The following DHRSX variants were observed in gnomAD, a reference collection of about 807,000 sequenced individuals.
The protein encoded by DHRSX is polyprenol dehydrogenase.
A neutral mutation model predicts 34.0 loss-of-function variants in DHRSX; 31 were observed. That is an observed-to-expected ratio of 0.91 (90% CI 0.69 to 1.23). The LOEUF (loss-of-function observed/expected upper bound fraction) is 1.23. Ranked by LOEUF, DHRSX falls within the 50% of genes most tolerant of loss-of-function variation. The pLI is 0.00. For missense variants in DHRSX, 414 were observed against 428.1 expected, an observed-to-expected ratio of 0.97 and a Z score of 0.29; for synonymous variants, 201 against 183.8, an observed-to-expected ratio of 1.09 and a Z score of -0.76.
intron 3 of DHRSX, among the ~76,000 whole-genome samples, chrX:2,404,033 G>A (rs1300477405): frequency 1.3e-5 from 2 of 152,126 alleles, no homozygotes; most frequent in Non-Finnish European, 2.9e-5. Flanking sequence ...AAGCCGTTCA[G>A]ATTAAAAGCA....
At chrX:2,242,018 A>C (rs2016152147) in intron 6 of DHRSX, among the ~76,000 whole-genome samples, 2 of 152,030 alleles carry the variant, frequency 1.3e-5, no homozygotes, top group Admixed American at 1.3e-4. Flanking sequence ...TACTATTTGG[A>C]ATCCTATATT....
At chrX:2,367,671 C>T (rs1348410802) in intron 3 of DHRSX, among the ~76,000 whole-genome samples, 1 of 151,960 alleles carries the variant, frequency 6.6e-6, no homozygotes, top group African/African-American at 2.4e-5. Flanking sequence ...GAGAGGCGTA[C>T]CCAAGAGCAC....
At chrX:2,318,264 G>A (rs2042264528) in intron 3 of DHRSX, among the ~76,000 whole-genome samples, 4 of 151,332 alleles carry the variant, frequency 2.6e-5, no homozygotes, top group Admixed American at 1.3e-4. Context: ...TACTTGGGAG[G>A]CTGAGGTGGG....
chrX:2,303,915 G>A (rs186585490), intron 3 of DHRSX, among the ~76,000 whole-genome samples: 69 of 132,630 alleles, frequency 5.2e-4, no homozygotes, highest in South Asian at 1.7e-3. Context: ...ATGGATGGAT[G>A]GATGGATGGA....
intron 3 of DHRSX, among the ~76,000 whole-genome samples, chrX:2,347,462 CACAGGTGGATCACCTGA>C (rs2042735021): frequency 6.6e-6 from 1 of 152,130 alleles, no homozygotes. Flanking sequence ...GGGAGGCCAA[CACAGGTGGATCACCTGA>C]GCTCAGGAGT....
At chrX:2,413,479 G>GA (rs747567635) in intron 2 of DHRSX, among the ~76,000 whole-genome samples, 590 of 152,198 alleles carry the variant, frequency 3.9e-3, no homozygotes, top group African/African-American at 0.014. Flanking sequence ...ATGGATATGT[G>GA]AATTAGCTTG....
chrX:2,333,986 C>T (rs1395782061), intron 3 of DHRSX, among the ~76,000 whole-genome samples: 4 of 152,132 alleles, frequency 2.6e-5, no homozygotes, highest in Admixed American at 2.0e-4. Flanking sequence ...ATTTTCTTTA[C>T]CCAGTCTACC....
intron 3 of DHRSX, among the ~76,000 whole-genome samples, chrX:2,382,635 A>C (rs868559122): frequency 8.3e-6 from 1 of 120,428 alleles, no homozygotes; most frequent in East Asian, 2.3e-4. Flanking sequence ...CATCACCATC[A>C]TCACCATCAC....
intron 2 of DHRSX, among the ~76,000 whole-genome samples, chrX:2,422,705 A>G (rs947222304): frequency 4.6e-5 from 7 of 152,150 alleles, no homozygotes; most frequent in African/African-American, 1.7e-4. Flanking sequence ...GCACTTTGGG[A>G]GGCCAAGGTG....
chrX:2,431,000 G>C (rs2043911898), intron 1 of DHRSX, among the ~76,000 whole-genome samples: 1 of 151,660 alleles, frequency 6.6e-6, no homozygotes, highest in Non-Finnish European at 1.5e-5. Context: ...ACTCCAGCCT[G>C]GGTGACAGAG....
At chrX:2,243,795 T>TTTTTG (rs1556430342) in intron 5 of DHRSX, among the ~76,000 whole-genome samples, 1 of 13,364 alleles carries the variant, frequency 7.5e-5, no homozygotes, top group African/African-American at 3.4e-4. Flanking sequence ...CCTGTTTTTT[T>TTTTTG]TTTTTTTTTT....
At chrX:2,452,239 A>C (rs1413206706) in intron 1 of DHRSX, among the ~76,000 whole-genome samples, 1 of 151,760 alleles carries the variant, frequency 6.6e-6, no homozygotes, top group African/African-American at 2.4e-5. Context: ...GACTGCTGCC[A>C]TGTGCACATT....
intron 6 of DHRSX, among the ~76,000 whole-genome samples, chrX:2,225,114 GCACA>G (rs778900805): frequency 4.2e-5 from 6 of 143,028 alleles, no homozygotes; most frequent in South Asian, 2.3e-4. Context: ...TCACACACAT[GCACA>G]CACTCATTCA....
intron 3 of DHRSX, among the ~76,000 whole-genome samples, chrX:2,360,694 G>C (rs772149514): frequency 1.1e-4 from 16 of 151,804 alleles, no homozygotes; most frequent in Non-Finnish European, 2.4e-4. Flanking sequence ...CCAGGTTATC[G>C]CCAAGTTTGG....
chrX:2,354,169 G>C (rs1400123509), intron 3 of DHRSX, among the ~76,000 whole-genome samples: 1 of 152,198 alleles, frequency 6.6e-6, no homozygotes, highest in Non-Finnish European at 1.5e-5. Context: ...ATGGAGCGGA[G>C]CTCTAGTGGT....
chrX:2,220,294 A>G lies in DHRSX; in HGVS notation c.*747T>C, dbSNP rs2015493537. ...GAACCCTCGTGATGGCATTAGGTTC[A>G]CTGGGATGATCCATAATGACCCATC... On this transcript the variant is annotated 3_prime_UTR_variant, in exon 7 of 7. Coordinates refer to ENST00000334651, the MANE Select transcript of DHRSX (RefSeq NM_145177.3). 6.6e-6 allele frequency: 1 copy of G among 152,194 alleles called. No homozygotes were observed. The highest frequency in any genetic ancestry group is 1.5e-5 in the Non-Finnish European group (1 of 68,044). The allele number at this position is 152,194 out of a possible 1,614,324, so 9.4% of individuals were successfully genotyped here.
chrX:2,269,547 A>AT (rs2041521480), intron 4 of DHRSX, among the ~76,000 whole-genome samples: 3 of 151,916 alleles, frequency 2.0e-5, no homozygotes, highest in South Asian at 2.1e-4. Flanking sequence ...GTATTTATTT[A>AT]TTTTTTGAGG....
At chrX:2,231,667 T>C (rs2015886554) in intron 6 of DHRSX, among the ~76,000 whole-genome samples, 1 of 150,540 alleles carries the variant, frequency 6.6e-6, no homozygotes, top group Admixed American at 6.6e-5. Flanking sequence ...TCTTCTTTTT[T>C]TCTTTCTCCT....
chrX:2,304,123 AAATGGATGGATGGATGAATG>A (rs2042062750), intron 3 of DHRSX, among the ~76,000 whole-genome samples: 1 of 22,476 alleles, frequency 4.4e-5, no homozygotes, highest in African/African-American at 1.1e-4. Context: ...ATGGATGGAT[AAATGGATGGATGGATGAATG>A]GATGGATGGA....
Sources: gnomAD v4.1 joint callset for allele counts (sites outside exome capture counted in the v4.1 genomes callset) on GRCh38, gnomAD v4.1.1 for gene constraint, MANE v1.5 for transcripts, NCBI Gene and HGNC (gene_info 2026-07-23, HGNC 2026-07-21) for gene names.